WDR76: variants seen among roughly 807,000 people sequenced by gnomAD.
WDR76 encodes the protein WD repeat-containing protein 76.
In WDR76, 52 loss-of-function variants were observed where a neutral mutation model predicts 70.2. That is an observed-to-expected ratio of 0.74 (90% CI 0.59 to 0.93). WDR76 has a LOEUF of 0.93. WDR76 is among the 40% of genes least tolerant of loss of function. WDR76 has a pLI of 0.00. For synonymous variants in WDR76, 292 were observed against 271.1 expected (o/e 1.08, Z -0.76); for missense variants, 756 against 760.2 (o/e 0.99, Z 0.07).
chr15:43,827,002 G>T lies in WDR76; in HGVS notation c.-31G>T. On this transcript the variant is annotated 5_prime_UTR_variant, in exon 1 of 13. Transcript: ENST00000263795. Reference sequence around the variant, plus strand: ...CCCGGCCTCCCGCCGCAATCTTGGCGGGAAGGCGCCGGCCGCTAAGAAGCC... The same window carrying T: ...CCCGGCCTCCCGCCGCAATCTTGGCTGGAAGGCGCCGGCCGCTAAGAAGCC... 6.2e-7 allele frequency: 1 copy of T among 1,612,190 alleles called. No individual in the cohort carries two copies. The highest frequency in any genetic ancestry group is 8.5e-7 in the Non-Finnish European group (1 of 1,179,578).
At position 43,862,916 on chromosome 15, in the gene WDR76, T is replaced by C. The variant is rs560315275; in HGVS notation, c.1616+1530T>C. Reference sequence around the variant, plus strand: ...CCTTGGCCTCCCAAAGTGCTGGGATTACAAGTGTGAGCCACTGTGCCCAGC... The same window carrying C: ...CCTTGGCCTCCCAAAGTGCTGGGATCACAAGTGTGAGCCACTGTGCCCAGC... On this transcript the variant is annotated intron_variant, in intron 12 of 12. Coordinates refer to ENST00000263795, the MANE Select transcript of WDR76 (RefSeq NM_024908.4). 2.0e-5 allele frequency among the ~76,000 whole-genome samples: 3 copies of C among 151,964 alleles called. No individual in the cohort carries two copies. The East Asian group carries it at 5.9e-4, about 30-fold the overall frequency.
intron 9 of WDR76, among the ~76,000 whole-genome samples, chr15:43,854,088 C>T (rs937159252): frequency 6.6e-6 from 1 of 152,084 alleles, no homozygotes; most frequent in Non-Finnish European, 1.5e-5. Flanking sequence ...TTGAAACCCT[C>T]ATATTTTGAG....
At chr15:43,829,509 T>C (rs2087560345) in intron 2 of WDR76, among the ~76,000 whole-genome samples, 1 of 140,478 alleles carries the variant, frequency 7.1e-6, no homozygotes, top group Non-Finnish European at 1.5e-5. Flanking sequence ...CTTTTTTTTT[T>C]TTTTTTTTTT....
intron 8 of WDR76, among the ~76,000 whole-genome samples, chr15:43,847,059 G>C (rs920367887): frequency 1.3e-5 from 2 of 149,864 alleles, no homozygotes; most frequent in Non-Finnish European, 1.5e-5. Flanking sequence ...TGTATTACTA[G>C]GTCTCTGTAG....
At chr15:43,827,259 G>T (rs2087529087) in intron 1 of WDR76, 167 bp downstream of exon 1, 1 of 732,310 alleles carries the variant, frequency 1.4e-6, no homozygotes, top group Non-Finnish European at 2.2e-6. Context: ...AATAACCCGA[G>T]AAATAGTGGG....
At chr15:43,830,454 AG>A (rs1183707077) in intron 2 of WDR76, among the ~76,000 whole-genome samples, 1 of 150,578 alleles carries the variant, frequency 6.6e-6, no homozygotes, top group African/African-American at 2.4e-5. Context: ...CCCAGCTACT[AG>A]GGAGGCCGAG....
intron 5 of WDR76, among the ~76,000 whole-genome samples, 158 bp from the exon 6 acceptor site, chr15:43,842,257 A>G (rs778142530): frequency 6.6e-6 from 1 of 152,192 alleles, no homozygotes; most frequent in Non-Finnish European, 1.5e-5. Flanking sequence ...CCTGGCATTC[A>G]TTTATTGAAC....
chr15:43,842,735 C>A, intron 7 of WDR76, 64 bp downstream of exon 7: 2 of 1,455,588 alleles, frequency 1.4e-6, no homozygotes, highest in East Asian at 2.3e-5. Flanking sequence ...AAAGACTATA[C>A]GCCATTTTAG....
At chr15:43,836,847 A>C (rs896074195) in intron 4 of WDR76, among the ~76,000 whole-genome samples, 2 of 151,778 alleles carry the variant, frequency 1.3e-5, no homozygotes, top group African/African-American at 4.8e-5. Context: ...CCTGACCAAC[A>C]TGGAGAAACC....
In WDR76 at chr15:43,867,436, TGAAAAG is replaced by T. The variant is rs953611790; in HGVS notation, c.*1049_*1054del. Reference sequence around the variant, plus strand: ...TGACAATGACTGGTGTTGAAAAAAATGAAAAGGAAAGAATTTGTAAAGAACAGAAAA... The same window carrying T: ...TGACAATGACTGGTGTTGAAAAAAATGAAAGAATTTGTAAAGAACAGAAAA... On this transcript the variant is annotated 3_prime_UTR_variant, in exon 13 of 13. Coordinates refer to ENST00000263795, the MANE Select transcript of WDR76 (RefSeq NM_024908.4). The T allele has an allele frequency of 5.3e-5, 8 of 151,898 alleles. No homozygotes were observed. Among genetic ancestry groups the T allele is most frequent in the Non-Finnish European group, 1.0e-4 (7 of 68,002 alleles). 9.4% of individuals were successfully genotyped at this position (151,898 alleles called of 1,614,324 possible).
chr15:43,827,491 C>T (rs1193732712), intron 1 of WDR76, among the ~76,000 whole-genome samples: 1 of 152,144 alleles, frequency 6.6e-6, no homozygotes, highest in Admixed American at 6.6e-5. Flanking sequence ...TAGTGAATTA[C>T]ATATCTAGGA....
chr15:43,862,020 T>C (rs913477002), intron 12 of WDR76, among the ~76,000 whole-genome samples: 16 of 151,762 alleles, frequency 1.1e-4, no homozygotes, highest in African/African-American at 3.6e-4. Context: ...GTATCTTTAG[T>C]AGCGACGGGG....
At chr15:43,850,879 T>C (rs561606127) in intron 8 of WDR76, among the ~76,000 whole-genome samples, 1 of 152,336 alleles carries the variant, frequency 6.6e-6, no homozygotes, top group African/African-American at 2.4e-5. Flanking sequence ...TGTGACTTGG[T>C]ATTGTTGGAT....
rs2088073348 is a variant in WDR76 at position 43,866,489 on chromosome 15, C to A, written c.*97C>A. On this transcript the variant is annotated 3_prime_UTR_variant, in exon 13 of 13. Transcript: ENST00000263795. ...AGTGTGTTTATGTGGTAATGTGTTA[C>A]ATTTAGCAATTATAACATTGTTTTA... 3 of 1,341,958 alleles carry A rather than the reference C, an allele frequency of 2.2e-6. No individual in the cohort carries two copies. The highest frequency in any genetic ancestry group is 4.1e-5 in the Admixed American group (2 of 48,868). The allele number at this position is 1,341,958 out of a possible 1,614,324, so 83.1% of individuals were successfully genotyped here.
intron 9 of WDR76, among the ~76,000 whole-genome samples, chr15:43,853,522 A>T (rs1047244758): frequency 6.6e-5 from 10 of 152,184 alleles, no homozygotes; most frequent in Non-Finnish European, 1.3e-4. Flanking sequence ...TTGACTTTAA[A>T]ACAATAGGTG....
intron 2 of WDR76, among the ~76,000 whole-genome samples, chr15:43,831,896 C>T (rs2087594663): frequency 1.3e-5 from 2 of 150,512 alleles, no homozygotes; most frequent in South Asian, 4.2e-4. Flanking sequence ...TGTAGTGGTG[C>T]GATCTCAGCT....
chr15:43,855,590 T>C (rs1279442438), intron 9 of WDR76, among the ~76,000 whole-genome samples: 1 of 152,014 alleles, frequency 6.6e-6, no homozygotes, highest in African/African-American at 2.4e-5. Flanking sequence ...TCATCCCCTC[T>C]TAATTGACAG....
chr15:43,848,197 T>C (rs28696802), intron 8 of WDR76, among the ~76,000 whole-genome samples: 27,425 of 152,006 alleles, frequency 0.18, 3,623 homozygotes, highest in African/African-American at 0.37. Flanking sequence ...CATGATTGTG[T>C]CACTGTACTC....
chr15:43,835,214 C>T, intron 3 of WDR76, 64 bp downstream of exon 3: 4 of 1,471,844 alleles, frequency 2.7e-6, no homozygotes, highest in Non-Finnish European at 3.8e-6. Flanking sequence ...CGCCTGTAAT[C>T]CTGTCACTTG....
Sources: gnomAD v4.1 joint callset for allele counts (sites outside exome capture counted in the v4.1 genomes callset) on GRCh38, gnomAD v4.1.1 for gene constraint, MANE v1.5 for transcripts, NCBI Gene and HGNC (gene_info 2026-07-23, HGNC 2026-07-21) for gene names.